Variants in CUX2 observed in about 807,000 individuals in gnomAD.
The protein encoded by CUX2 is homeobox protein cut-like 2.
In CUX2, 40 loss-of-function variants were observed where a neutral mutation model predicts 144.8. The ratio of observed to expected loss-of-function variants is 0.28; its 90% CI spans 0.21 to 0.36. CUX2 has a LOEUF of 0.36. Ranked by LOEUF, CUX2 falls within the 10% of genes least tolerant of loss-of-function variation. The pLI is 1.00. For missense variants in CUX2, 1,615 were observed against 1,994.0 expected, an observed-to-expected ratio of 0.81 and a Z score of 3.62; for synonymous variants, 827 against 875.6, an observed-to-expected ratio of 0.94 and a Z score of 0.98.
chr12:111,247,196 C>T (rs1041042276), intron 3 of CUX2, among the ~76,000 whole-genome samples: 10 of 152,224 alleles, frequency 6.6e-5, no homozygotes, highest in East Asian at 5.8e-4. Flanking sequence ...GAGTCCATAG[C>T]GAGCACCGCA....
At position 111,278,532 on chromosome 12, in the gene CUX2, G is replaced by A. The variant is rs1884982648; in HGVS notation, c.302-12886G>A. Reference sequence around the variant, plus strand: ...CCATGGAAAACTCTCAAACTCTGTGGCGCCCTACCCTCTCACCCAGAGCTC... The same window carrying A: ...CCATGGAAAACTCTCAAACTCTGTGACGCCCTACCCTCTCACCCAGAGCTC... On this transcript the variant is annotated intron_variant, in intron 4 of 21. Coordinates refer to ENST00000261726, the MANE Select transcript of CUX2 (RefSeq NM_015267.4). Among the ~76,000 whole-genome samples, 8 of 152,224 alleles carry A rather than the reference G, an allele frequency of 5.3e-5. 1 individual carries two copies. The South Asian group carries it at 1.7e-3, about 32-fold the overall frequency.
At position 111,320,304 on chromosome 12, in the gene CUX2, C is replaced by T. The variant is rs1232079614; in HGVS notation, c.2295C>T (p.Ala765=). 1 of 1,597,620 alleles carries T rather than the reference C, an allele frequency of 6.3e-7. No individual in the cohort carries two copies. Among genetic ancestry groups the T allele is most frequent in the African/African-American group, 1.3e-5 (1 of 74,944 alleles). The change falls in exon 17 of 22, where the codon GCC becomes GCT. Residue 765 remains alanine (A), a synonymous_variant. Coordinates refer to ENST00000261726, the MANE Select transcript of CUX2 (RefSeq NM_015267.4). This position sits in a 1 kb window ranked among gnomAD's most constrained non-coding sequence, Gnocchi z 8.1. ...CGCCGCTCCCGGTCCTGTCCCCCGC[C>T]GCCTTCGTGCAGAGCATCATCCGCA... The part of the protein sequence containing the change: ...AQAPLPVLSP[A]AFVQSIIRKV...
intron 3 of CUX2, among the ~76,000 whole-genome samples, chr12:111,233,516 A>G (rs970058316): frequency 2.0e-5 from 3 of 152,144 alleles, no homozygotes; most frequent in African/African-American, 7.2e-5. Context: ...ACTGAATCCT[A>G]CGGCCCAGAA....
intron 19 of CUX2, 129 bp from the exon 20 acceptor site, chr12:111,338,157 T>G (rs952791325): frequency 1.0e-6 from 1 of 979,814 alleles, no homozygotes; most frequent in Non-Finnish European, 1.5e-6. Context: ...TCTCTGGCCC[T>G]CCCTTCGGAG....
chr12:111,116,759 G>C (rs1019788114), intron 1 of CUX2, among the ~76,000 whole-genome samples: 1 of 152,162 alleles, frequency 6.6e-6, no homozygotes, highest in African/African-American at 2.4e-5. Flanking sequence ...AATTCCTTCA[G>C]GGCTTTCCTG....
intron 3 of CUX2, among the ~76,000 whole-genome samples, chr12:111,254,686 C>T (rs1883723589): frequency 6.6e-6 from 1 of 152,186 alleles, no homozygotes; most frequent in Admixed American, 6.5e-5. Context: ...TAATGACTTA[C>T]ACCTGAGGGT....
intron 1 of CUX2, among the ~76,000 whole-genome samples, chr12:111,044,373 CT>C (rs1490875321): frequency 6.6e-6 from 1 of 152,034 alleles, no homozygotes; most frequent in African/African-American, 2.4e-5. Flanking sequence ...TCCTATCCCC[CT>C]CCCGTCCCCT....
intron 1 of CUX2, among the ~76,000 whole-genome samples, chr12:111,145,289 T>C (rs1876597232): frequency 6.6e-6 from 1 of 152,180 alleles, no homozygotes; most frequent in Admixed American, 6.5e-5. Context: ...CCTAGCACCT[T>C]CTGAGGTTCA....
At chr12:111,055,161 G>A (rs1003579095) in intron 1 of CUX2, among the ~76,000 whole-genome samples, 8 of 152,238 alleles carry the variant, frequency 5.3e-5, no homozygotes, top group African/African-American at 1.4e-4. Context: ...GCTGCTGTAT[G>A]TGCAGATTGG....
intron 1 of CUX2, among the ~76,000 whole-genome samples, chr12:111,124,835 T>C (rs1291702547): frequency 6.6e-6 from 1 of 152,194 alleles, no homozygotes; most frequent in Non-Finnish European, 1.5e-5. Context: ...ATTGTTGCTA[T>C]TTTGATGTCC....
rs888888580 is a variant in CUX2 at position 111,034,863 on chromosome 12, CGCCGCCGCCGCCGCCAGA to C, written c.63+637_63+654del. Among the ~76,000 whole-genome samples, 14 of 148,772 alleles carry C rather than the reference CGCCGCCGCCGCCGCCAGA, an allele frequency of 9.4e-5. No homozygotes were observed. Among genetic ancestry groups the C allele is most frequent in the East Asian group, 1.9e-4 (1 of 5,134 alleles). On this transcript the variant is annotated intron_variant, in intron 1 of 21. Transcript: ENST00000261726. The surrounding 1 kb of genome is among the most constrained non-coding windows in gnomAD (Gnocchi z 4.2). ...CCCGGACGCGCCGCCACCCGGGGGC[CGCCGCCGCCGCCGCCAGA>C]GCCGCCGCCGCCGGACTGGCCGCAA...
intron 3 of CUX2, among the ~76,000 whole-genome samples, chr12:111,257,635 T>C: frequency 9.1e-6 from 1 of 110,080 alleles, no homozygotes; most frequent in African/African-American, 3.6e-5. Flanking sequence ...CTCTTCCTCC[T>C]CCCTCTTCCT....
Position 111,214,231 on chromosome 12 carries a change from C to G in CUX2, c.95C>G (p.Ser32Cys), listed in dbSNP as rs1245481213. Residue 32 changes from serine to cysteine, a missense_variant, in exon 2 of 22, where the codon TCT (serine) becomes TGT (cysteine). Physicochemically the swap from Ser to Cys is moderately radical, Grantham distance 112 (BLOSUM62 -1). Around this residue, in one of 12 missense-constraint regions of CUX2, gnomAD observed 64 missense variants for 64.9 expected, o/e 0.99. Coordinates refer to ENST00000261726, the MANE Select transcript of CUX2 (RefSeq NM_015267.4). ...KELNSVASELSARQEESEHSH... is the reference protein window; with the variant it reads ...KELNSVASELCARQEESEHSH... ...CTTAATTCCGTCGCTTCTGAGCTGT[C>G]TGCACGGCAGGAGGAGAGTGAACAT... 2.5e-6 allele frequency: 4 copies of G among 1,591,184 alleles called. No individual in the cohort carries two copies. The highest frequency in any genetic ancestry group is 1.4e-5 in the African/African-American group (1 of 70,278).
At chr12:111,083,444 G>A (rs1872022627) in intron 1 of CUX2, among the ~76,000 whole-genome samples, 1 of 152,178 alleles carries the variant, frequency 6.6e-6, no homozygotes, top group South Asian at 2.1e-4. Flanking sequence ...GGGAAGGGAA[G>A]AGGAGTCCTT....
At chr12:111,271,115 A>G (rs1310911397) in intron 4 of CUX2, among the ~76,000 whole-genome samples, 1 of 152,208 alleles carries the variant, frequency 6.6e-6, no homozygotes, top group Non-Finnish European at 1.5e-5. Flanking sequence ...TATTGATTCT[A>G]CGAGGTTCGG....
chr12:111,147,474 C>T (rs1254161540), intron 1 of CUX2, among the ~76,000 whole-genome samples: 1 of 152,228 alleles, frequency 6.6e-6, no homozygotes, highest in Non-Finnish European at 1.5e-5. Flanking sequence ...AGTCCCTGCC[C>T]AAGGGGCCCC....
chr12:111,111,559 A>G (rs1185482785), intron 1 of CUX2, among the ~76,000 whole-genome samples: 1 of 152,202 alleles, frequency 6.6e-6, no homozygotes, highest in African/African-American at 2.4e-5. Flanking sequence ...CGTTAATAGA[A>G]TCCTTTGGCA....
Position 111,338,549 on chromosome 12 carries a change from ACATAAACCCAGGGCTCC to A in CUX2, c.3385+79_3385+95del, listed in dbSNP as rs954641298. The stretch of plus-strand genomic sequence containing the variant: ...CCAGAACCATATCTAGCTGTAACCC[ACATAAACCCAGGGCTCC>A]CATGGTCCAGTCTCAGCCTACTATG... On this transcript the variant is annotated intron_variant, in intron 20 of 21. Coordinates refer to ENST00000261726, the MANE Select transcript of CUX2 (RefSeq NM_015267.4). The A allele has an allele frequency of 2.0e-5, 28 of 1,422,704 alleles. No individual in the cohort carries two copies. The African/African-American group carries it at 3.8e-4, about 19-fold the overall frequency. 88.1% of individuals were successfully genotyped at this position (1,422,704 alleles called of 1,614,324 possible).
chr12:111,154,058 C>T (rs769245990), intron 1 of CUX2, among the ~76,000 whole-genome samples: 3 of 152,088 alleles, frequency 2.0e-5, no homozygotes, highest in East Asian at 1.9e-4. Flanking sequence ...TTTTTTACCT[C>T]GTTAAAAGAC....
Sources: gnomAD v4.1 joint callset for allele counts (sites outside exome capture counted in the v4.1 genomes callset) on GRCh38, gnomAD v4.1.1 for gene constraint, gnomAD v4.1.1 regional missense constraint, Gnocchi (gnomAD v3.1) non-coding constraint, MANE v1.5 for transcripts, NCBI Gene and HGNC (gene_info 2026-07-23, HGNC 2026-07-21) for gene names.